Variants in TMPRSS11E observed in about 807,000 individuals in gnomAD.
The protein encoded by TMPRSS11E is transmembrane protease serine 11E.
TMPRSS11E carries 38 observed loss-of-function variants against 48.1 expected under a neutral mutation model. That is an observed-to-expected ratio of 0.79 (90% CI 0.61 to 1.04). The LOEUF (loss-of-function observed/expected upper bound fraction) is 1.04, where lower values mean the gene tolerates loss of function less well. TMPRSS11E is among the 50% of genes least tolerant of loss of function. The pLI is 0.00. For synonymous variants in TMPRSS11E, 158 were observed against 171.9 expected (o/e 0.92, Z 0.63); for missense variants, 530 against 510.8 (o/e 1.04, Z -0.36).
At chr4:68,493,946 C>T (rs1344257084) in intron 9 of TMPRSS11E, among the ~76,000 whole-genome samples, 2 of 152,032 alleles carry the variant, frequency 1.3e-5, no homozygotes, top group Non-Finnish European at 2.9e-5. Flanking sequence ...GCGACCTTGC[C>T]TTTCTTAAGA....
intron 1 of TMPRSS11E, among the ~76,000 whole-genome samples, chr4:68,454,482 A>C (rs951005137): frequency 2.0e-5 from 3 of 151,940 alleles, no homozygotes; most frequent in Admixed American, 6.6e-5. Flanking sequence ...AAATTTCATA[A>C]ATTTTATGTA....
rs1158277585 is a variant in TMPRSS11E, at chr4:68,490,751, C to CTTTTTTTTTTTTTTTTTTTTTTTTTTT, written c.1111-5866_1111-5865insTTTTTTTTTTTTTTTTTTTTTTTTTTT. Among the ~76,000 whole-genome samples, 2 of 69,328 alleles carry CTTTTTTTTTTTTTTTTTTTTTTTTTTT rather than the reference C, an allele frequency of 2.9e-5. 1 individual carries two copies. Among genetic ancestry groups the CTTTTTTTTTTTTTTTTTTTTTTTTTTT allele is most frequent in the Non-Finnish European group, 5.0e-5 (2 of 40,164 alleles). 45.5% of individuals were successfully genotyped at this position (69,328 alleles called of 152,430 possible). On this transcript the variant is annotated intron_variant, in intron 9 of 9. Coordinates refer to ENST00000305363, the MANE Select transcript of TMPRSS11E (RefSeq NM_014058.4). ...GTTCATGCTTCCCACTCAGCATATT[C>CTTTTTTTTTTTTTTTTTTTTTTTTTTT]TTTTTTTTTTTTTTTTTTTTTTTTT... is the stretch of plus-strand genomic sequence containing the variant.
intron 1 of TMPRSS11E, among the ~76,000 whole-genome samples, chr4:68,451,772 A>G (rs1728504087): frequency 6.6e-6 from 1 of 151,856 alleles, no homozygotes. Context: ...TACTCATTTT[A>G]CAGATGAGAA....
At chr4:68,471,185 G>A (rs761558510) in intron 4 of TMPRSS11E, among the ~76,000 whole-genome samples, 1 of 151,680 alleles carries the variant, frequency 6.6e-6, no homozygotes, top group Non-Finnish European at 1.5e-5. Context: ...TCATGTAAGT[G>A]ATAAAGAAAA....
intron 3 of TMPRSS11E, among the ~76,000 whole-genome samples, chr4:68,466,965 T>C (rs1728945253): frequency 6.6e-6 from 1 of 152,112 alleles, no homozygotes; most frequent in South Asian, 2.1e-4. Context: ...ACTTTAGCCA[T>C]TCGGTCAGGT....
intron 1 of TMPRSS11E, among the ~76,000 whole-genome samples, chr4:68,453,808 G>A (rs1728558248): frequency 6.6e-6 from 1 of 151,948 alleles, no homozygotes; most frequent in Non-Finnish European, 1.5e-5. Context: ...AGGCAGGTAA[G>A]AGCTAATAGG....
chr4:68,486,181 G>T (rs573514684), intron 9 of TMPRSS11E, among the ~76,000 whole-genome samples: 202 of 152,112 alleles, frequency 1.3e-3, no homozygotes, highest in African/African-American at 4.6e-3. Context: ...TCTTGTGCTA[G>T]TTTAGGGGTT....
chr4:68,478,831 G>T lies in TMPRSS11E; in HGVS notation c.968-18G>T, dbSNP rs763272871. 9.9e-6 allele frequency: 16 copies of T among 1,610,310 alleles called. No individual in the cohort carries two copies. The highest frequency in any genetic ancestry group is 1.3e-5 in the Non-Finnish European group (15 of 1,178,892). On this transcript the variant is annotated intron_variant, in intron 8 of 9. Transcript: ENST00000305363. Reference sequence around the variant, plus strand: ...ATATATGTATGTCTACAAATACAAAGACTTTTTTTTCTTTTAGGTTACAGT... The same window carrying T: ...ATATATGTATGTCTACAAATACAAATACTTTTTTTTCTTTTAGGTTACAGT...
intron 9 of TMPRSS11E, among the ~76,000 whole-genome samples, 174 bp downstream of exon 9, chr4:68,479,165 C>T (rs2603179): frequency 0.66 from 100,545 of 152,018 alleles, 33,633 homozygotes; most frequent in East Asian, 0.86. Context: ...ATCTGGGAAA[C>T]TGACAGTCGT....
chr4:68,482,262 C>A (rs1255511617), intron 9 of TMPRSS11E, among the ~76,000 whole-genome samples: 3 of 152,064 alleles, frequency 2.0e-5, no homozygotes, highest in Non-Finnish European at 4.4e-5. Flanking sequence ...GCTCCCATGA[C>A]CTGAACACCT....
intron 4 of TMPRSS11E, among the ~76,000 whole-genome samples, chr4:68,470,753 C>G (rs2109687412): frequency 6.6e-6 from 1 of 151,840 alleles, no homozygotes; most frequent in East Asian, 1.9e-4. Context: ...CAGGATGATT[C>G]CAAGGTAGTA....
intron 1 of TMPRSS11E, among the ~76,000 whole-genome samples, chr4:68,460,083 G>T (rs1242453863): frequency 6.6e-6 from 1 of 152,130 alleles, no homozygotes; most frequent in Non-Finnish European, 1.5e-5. Flanking sequence ...AAGCTTCCCT[G>T]GTTACGGCCC....
intron 5 of TMPRSS11E, 41 bp downstream of exon 5, chr4:68,471,664 C>T (rs758180108): frequency 1.4e-6 from 2 of 1,479,382 alleles, no homozygotes; most frequent in Middle Eastern, 1.9e-4. Context: ...AGAACAGCTT[C>T]ATGTTAGGTT....
Position 68,472,734 on chromosome 4 carries a change from C to T in TMPRSS11E, c.490+1111C>T, listed in dbSNP as rs148389499. ...GTCAGGGACAGATACATAATTTATG[C>T]GCCTTAGCACAAAATGAAAATGCTA... On this transcript the variant is annotated intron_variant, in intron 5 of 9. Coordinates refer to ENST00000305363, the MANE Select transcript of TMPRSS11E (RefSeq NM_014058.4). 3.1e-3 allele frequency among the ~76,000 whole-genome samples: 464 copies of T among 152,128 alleles called. 4 individuals carry two copies. Among genetic ancestry groups the T allele is most frequent in the African/African-American group, 0.01 (434 of 41,542 alleles).
chr4:68,482,771 T>TG (rs1407436778), intron 9 of TMPRSS11E, among the ~76,000 whole-genome samples: 1 of 151,618 alleles, frequency 6.6e-6, no homozygotes, highest in African/African-American at 2.4e-5. Context: ...GACTTCATCT[T>TG]GGGGAAAAAA....
At chr4:68,479,362 G>A (rs1000181556) in intron 9 of TMPRSS11E, among the ~76,000 whole-genome samples, 1 of 151,806 alleles carries the variant, frequency 6.6e-6, no homozygotes, top group Non-Finnish European at 1.5e-5. Context: ...TTTTCAGAAT[G>A]TTATATAAAT....
At chr4:68,476,228 C>T (rs1404717097) in intron 6 of TMPRSS11E, 33 bp from the exon 7 acceptor site, 2 of 1,612,630 alleles carry the variant, frequency 1.2e-6, no homozygotes, top group African/African-American at 1.3e-5. Flanking sequence ...AATTAATGCA[C>T]CCACCAATGC....
chr4:68,458,538 T>TATCAAAA (rs1343944413), intron 1 of TMPRSS11E, among the ~76,000 whole-genome samples: 2 of 152,176 alleles, frequency 1.3e-5, no homozygotes, highest in Non-Finnish European at 2.9e-5. Flanking sequence ...ATGAAAATAT[T>TATCAAAA]GACTGGACAA....
intron 5 of TMPRSS11E, among the ~76,000 whole-genome samples, chr4:68,473,790 T>G (rs1282611654): frequency 1.3e-5 from 2 of 152,100 alleles, no homozygotes; most frequent in African/African-American, 4.8e-5. Flanking sequence ...ACAGGTTATT[T>G]GAAACAAAGA....
Sources: gnomAD v4.1 joint callset for allele counts (sites outside exome capture counted in the v4.1 genomes callset) on GRCh38, gnomAD v4.1.1 for gene constraint, MANE v1.5 for transcripts, NCBI Gene and HGNC (gene_info 2026-07-23, HGNC 2026-07-21) for gene names.